The following WDPCP variants were observed in gnomAD, a reference collection of about 807,000 sequenced individuals.
WDPCP encodes WD repeat containing planar cell polarity effector.
WDPCP carries 71 observed loss-of-function variants against 93.1 expected under a neutral mutation model. The ratio of observed to expected loss-of-function variants is 0.76; its 90% confidence interval spans 0.63 to 0.93. The LOEUF (loss-of-function observed/expected upper bound fraction) is 0.93, where lower values mean the gene tolerates loss of function less well. WDPCP is among the 40% of genes least tolerant of loss of function. The pLI is 0.00. For missense variants in WDPCP, 844 were observed against 887.4 expected (o/e 0.95, Z 0.62); for synonymous variants, 315 against 315.0 (o/e 1.00, Z 0.00).
chr2:63,766,884 T>C (rs1670150949), intron 2 of WDPCP, among the ~76,000 whole-genome samples: 1 of 152,138 alleles, frequency 6.6e-6, no homozygotes, highest in Non-Finnish European at 1.5e-5. Flanking sequence ...CCATAGCCAT[T>C]AAACAATAAC....
chr2:63,281,977 A>G (rs1250878928), intron 13 of WDPCP, among the ~76,000 whole-genome samples: 1 of 143,936 alleles, frequency 6.9e-6, no homozygotes, highest in African/African-American at 2.5e-5. Context: ...CTATTGAAAT[A>G]AAAAAAAAAT....
chr2:63,716,877 T>C (rs527360489), intron 2 of WDPCP, among the ~76,000 whole-genome samples: 1 of 152,256 alleles, frequency 6.6e-6, no homozygotes, highest in Non-Finnish European at 1.5e-5. Flanking sequence ...TACTTACTAC[T>C]ACACAGCCAA....
In WDPCP at chr2:63,119,807, G is replaced by A. The variant is rs1669457224; in HGVS notation, c.*2199C>T. Among the ~76,000 whole-genome samples the A allele has an allele frequency of 1.3e-5, 2 of 152,154 alleles. No individual in the cohort carries two copies. ...TTCATAATCCTTTCAGGTTCTAGCA[G>A]AGGAGGAATATCAATTTAATTAATA... is the stretch of plus-strand genomic sequence containing the variant. On this transcript the variant is annotated 3_prime_UTR_variant, in exon 18 of 18. Transcript: ENST00000272321.
intron 2 of WDPCP, among the ~76,000 whole-genome samples, chr2:63,732,362 C>T (rs188619312): frequency 6.6e-6 from 1 of 152,212 alleles, no homozygotes; most frequent in African/African-American, 2.4e-5. Context: ...GCTTCAAATT[C>T]CACCCTGGCC....
At chr2:63,700,306 A>AAAAG (rs1558887472) in intron 2 of WDPCP, among the ~76,000 whole-genome samples, 69 of 146,220 alleles carry the variant, frequency 4.7e-4, no homozygotes, top group African/African-American at 8.1e-4. Context: ...AAAAAAAACA[A>AAAAG]AAAGAAAAAA....
At chr2:63,619,624 A>G (rs965634622) in intron 3 of WDPCP, among the ~76,000 whole-genome samples, 1 of 152,220 alleles carries the variant, frequency 6.6e-6, no homozygotes, top group Non-Finnish European at 1.5e-5. Context: ...AGTGCCTGGC[A>G]CCATGCTTTG....
chr2:63,245,892 A>AT (rs1196083566), intron 14 of WDPCP, among the ~76,000 whole-genome samples: 5 of 152,232 alleles, frequency 3.3e-5, no homozygotes, highest in African/African-American at 1.2e-4. Context: ...AGCACTTACT[A>AT]TTTTTCGTGT....
intron 13 of WDPCP, among the ~76,000 whole-genome samples, chr2:63,282,178 G>C (rs2030188): frequency 0.78 from 119,357 of 152,164 alleles, 47,389 homozygotes; most frequent in East Asian, 0.96. Flanking sequence ...ATAATACAAA[G>C]TTATGGTAAC....
At chr2:63,615,034 G>A (rs997297211) in intron 3 of WDPCP, among the ~76,000 whole-genome samples, 8 of 152,218 alleles carry the variant, frequency 5.3e-5, no homozygotes, top group Non-Finnish European at 1.2e-4. Context: ...TTGTTATAGT[G>A]AGAGAGGAGG....
At chr2:63,285,058 A>T (rs1683877797) in intron 13 of WDPCP, among the ~76,000 whole-genome samples, 2 of 152,256 alleles carry the variant, frequency 1.3e-5, no homozygotes, top group Admixed American at 1.3e-4. Flanking sequence ...GAAAAGGCAA[A>T]GAACAGATAT....
chr2:63,622,898 G>T, intron 3 of WDPCP: 1 of 1,378,938 alleles, frequency 7.3e-7, no homozygotes, highest in South Asian at 1.2e-5. Context: ...AGGCACGCGG[G>T]GGCCGGGCCA....
intron 6 of WDPCP, among the ~76,000 whole-genome samples, chr2:63,480,947 A>T (rs553060078): frequency 6.6e-6 from 1 of 152,280 alleles, no homozygotes; most frequent in South Asian, 2.1e-4. Context: ...GAGTAAACAG[A>T]CAACCCACAA....
At chr2:63,470,187 A>T (rs115821730) in intron 6 of WDPCP, among the ~76,000 whole-genome samples, 3,046 of 151,548 alleles carry the variant, frequency 0.02, 116 homozygotes, top group African/African-American at 0.07. Flanking sequence ...GTCTACACCC[A>T]CTCCTTTGGT....
chr2:63,637,973 A>G (rs1285871373), intron 3 of WDPCP, among the ~76,000 whole-genome samples: 4 of 152,194 alleles, frequency 2.6e-5, no homozygotes, highest in Non-Finnish European at 5.9e-5. Flanking sequence ...TCTTAAAGAG[A>G]TATCTACACT....
chr2:63,152,264 T>C (rs957776623), intron 17 of WDPCP, among the ~76,000 whole-genome samples: 5 of 151,656 alleles, frequency 3.3e-5, no homozygotes, highest in Admixed American at 3.3e-4. Context: ...TATCAACTCC[T>C]GGCTACTCTT....
At chr2:63,184,137 T>C (rs991636069) in intron 14 of WDPCP, among the ~76,000 whole-genome samples, 1 of 152,108 alleles carries the variant, frequency 6.6e-6, no homozygotes, top group African/African-American at 2.4e-5. Flanking sequence ...ATGTTCATAG[T>C]TATATGTGAG....
At chr2:63,823,820 A>G (rs1031312300) in intron 1 of WDPCP, among the ~76,000 whole-genome samples, 1 of 152,204 alleles carries the variant, frequency 6.6e-6, no homozygotes, top group African/African-American at 2.4e-5. Context: ...GAATGGATAC[A>G]GTGAAATAAA....
intron 1 of WDPCP, among the ~76,000 whole-genome samples, chr2:63,528,837 A>G (rs908521488): frequency 2.6e-5 from 4 of 152,126 alleles, no homozygotes; most frequent in African/African-American, 9.7e-5. Flanking sequence ...TGATTCTTCC[A>G]ATCCATGAAC....
At chr2:63,147,001 A>T (rs1559153869) in intron 17 of WDPCP, among the ~76,000 whole-genome samples, 1 of 152,226 alleles carries the variant, frequency 6.6e-6, no homozygotes, top group Non-Finnish European at 1.5e-5. Flanking sequence ...AAGCCTGCAT[A>T]GGTCTAGTTT....
Sources: gnomAD v4.1 joint callset for allele counts (sites outside exome capture counted in the v4.1 genomes callset) on GRCh38, gnomAD v4.1.1 for gene constraint, MANE v1.5 for transcripts, NCBI Gene and HGNC (gene_info 2026-07-23, HGNC 2026-07-21) for gene names.